The following RAB28 variants were observed in gnomAD, a reference collection of about 807,000 sequenced individuals.
RAB28 encodes ras-related protein Rab-28.
Under a neutral mutation model 31.7 loss-of-function variants are expected in RAB28, and 24 were observed. That is an observed-to-expected ratio of 0.76 (90% confidence interval 0.55 to 1.06). The LOEUF is 1.06. RAB28 is among the 50% of genes least tolerant of loss of function. The probability of loss-of-function intolerance (pLI) is 0.00; values close to 1 mark genes in which losing one functional copy is unlikely to be tolerated. For synonymous variants in RAB28, 100 were observed against 90.4 expected (o/e 1.11, Z -0.60); for missense variants, 254 against 258.5 (o/e 0.98, Z 0.12).
intron 4 of RAB28, among the ~76,000 whole-genome samples, chr4:13,432,834 CAA>C (rs757020903): frequency 1.3e-5 from 2 of 151,964 alleles, no homozygotes; most frequent in African/African-American, 2.4e-5. Context: ...CATAAAAGCT[CAA>C]AGACACTTTA....
At chr4:13,419,061 C>A (rs537981370) in intron 4 of RAB28, among the ~76,000 whole-genome samples, 4 of 151,844 alleles carry the variant, frequency 2.6e-5, no homozygotes, top group African/African-American at 9.7e-5. Context: ...GGAAGATCTG[C>A]CAAGTAAATG....
At chr4:13,371,247 C>A in intron 6 of RAB28, 1 of 985,344 alleles carries the variant, frequency 1.0e-6, no homozygotes, top group Non-Finnish European at 1.2e-6. Context: ...AGGCACTCTG[C>A]CTGATGCTAT....
rs186022710 is a variant in RAB28, at chr4:13,373,078, T to C, written c.573+3467A>G. 1.2e-3 allele frequency among the ~76,000 whole-genome samples: 185 copies of C among 152,260 alleles called. 2 individuals are homozygous for C. Among genetic ancestry groups the C allele is most frequent in the African/African-American group, 4.3e-3 (177 of 41,574 alleles). On this transcript the variant is annotated intron_variant, in intron 6 of 6. Coordinates refer to ENST00000330852, the MANE Select transcript of RAB28 (RefSeq NM_001017979.3). Reference sequence around the variant, plus strand: ...AAAAATGCTGAGGCTTAAAAATGTATTAAGAATTCTTAACACCAAGTAGAT... The same window carrying C: ...AAAAATGCTGAGGCTTAAAAATGTACTAAGAATTCTTAACACCAAGTAGAT...
At chr4:13,442,483 C>CAA (rs1296539982) in intron 4 of RAB28, among the ~76,000 whole-genome samples, 2 of 130,632 alleles carry the variant, frequency 1.5e-5, no homozygotes, top group Admixed American at 7.7e-5. Context: ...AGCAAATGTC[C>CAA]AAAAAAAAAA....
chr4:13,442,799 G>A lies in RAB28; in HGVS notation c.391+17900C>T, dbSNP rs982794364. ...AATTCTTACAATAATTTCCTTATGA[G>A]GTAGGTGCTATTATTAGTCCCACTT... On this transcript the variant is annotated intron_variant, in intron 4 of 6. Transcript: ENST00000330852. Among the ~76,000 whole-genome samples the A allele has an allele frequency of 2.6e-5, 4 of 152,022 alleles. No individual in the cohort carries two copies. The East Asian group carries it at 7.7e-4, about 29-fold the overall frequency.
At chr4:13,481,108 A>T (rs967844000) in intron 1 of RAB28, among the ~76,000 whole-genome samples, 2 of 152,062 alleles carry the variant, frequency 1.3e-5, no homozygotes, top group Admixed American at 1.3e-4. Context: ...AAAGAATCTC[A>T]GAGTTCAATA....
intron 4 of RAB28, among the ~76,000 whole-genome samples, chr4:13,398,984 G>C (rs1477184297): frequency 1.3e-5 from 2 of 152,076 alleles, no homozygotes; most frequent in Non-Finnish European, 2.9e-5. Flanking sequence ...AATAAGAATT[G>C]CACTTACACA....
At chr4:13,426,348 C>G (rs974386109) in intron 4 of RAB28, among the ~76,000 whole-genome samples, 2 of 151,572 alleles carry the variant, frequency 1.3e-5, no homozygotes, top group Non-Finnish European at 2.9e-5. Context: ...ACATCAGAAA[C>G]GAATCTCTGA....
intron 4 of RAB28, among the ~76,000 whole-genome samples, chr4:13,435,231 G>A (rs1335139999): frequency 2.6e-5 from 4 of 151,612 alleles, no homozygotes; most frequent in Non-Finnish European, 2.9e-5. Context: ...CAAAAGTAGT[G>A]CAAAGAGTAT....
intron 4 of RAB28, among the ~76,000 whole-genome samples, chr4:13,393,474 T>C (rs960903667): frequency 1.3e-5 from 2 of 152,170 alleles, no homozygotes; most frequent in Admixed American, 1.3e-4. Flanking sequence ...AAGAAAAATA[T>C]ATATATAAGC....
At chr4:13,428,022 T>C (rs191726214) in intron 4 of RAB28, among the ~76,000 whole-genome samples, 5 of 152,258 alleles carry the variant, frequency 3.3e-5, no homozygotes, top group Admixed American at 2.0e-4. Context: ...TCGTGATGGA[T>C]TGAGCAAGCA....
chr4:13,382,963 G>A (rs1321365920), intron 4 of RAB28, among the ~76,000 whole-genome samples: 3 of 152,028 alleles, frequency 2.0e-5, no homozygotes, highest in African/African-American at 4.8e-5. Flanking sequence ...GCCTCCCAAA[G>A]TGCTAGAATT....
At chr4:13,420,479 C>T (rs1713066265) in intron 4 of RAB28, among the ~76,000 whole-genome samples, 1 of 152,072 alleles carries the variant, frequency 6.6e-6, no homozygotes, top group African/African-American at 2.4e-5. Flanking sequence ...GACCAATATC[C>T]CTGATGAACA....
chr4:13,447,262 C>T (rs1042154634), intron 4 of RAB28, among the ~76,000 whole-genome samples: 6 of 152,176 alleles, frequency 3.9e-5, no homozygotes, highest in African/African-American at 1.4e-4. Context: ...AATCACTGCA[C>T]ACTATTCAAA....
intron 1 of RAB28, among the ~76,000 whole-genome samples, chr4:13,479,735 C>CTAATGAGTTAGAT (rs1383538097): frequency 1.3e-5 from 2 of 151,458 alleles, no homozygotes; most frequent in East Asian, 3.9e-4. Flanking sequence ...GGACAACGAA[C>CTAATGAGTTAGAT]TAATGAGTTA....
chr4:13,435,279 A>C (rs1714037897), intron 4 of RAB28, among the ~76,000 whole-genome samples: 1 of 152,088 alleles, frequency 6.6e-6, no homozygotes, highest in Non-Finnish European at 1.5e-5. Context: ...GAAGACAGAT[A>C]TCTCTCAAAT....
In RAB28 at chr4:13,468,785, T is replaced by TA. The variant is rs1560144741; in HGVS notation, c.261+5532_261+5533insT. ...AACAAAGCCAAAAGCTGTTTTTTTTTTAAAAAAAAAAGATCAATAAAATTG... is the reference window on the plus strand; with the variant it reads ...AACAAAGCCAAAAGCTGTTTTTTTTTATAAAAAAAAAAGATCAATAAAATTG... On this transcript the variant is annotated intron_variant, in intron 3 of 6. Transcript: ENST00000330852. 2.1e-3 allele frequency among the ~76,000 whole-genome samples: 319 copies of TA among 149,558 alleles called. 3 individuals carry two copies. The highest frequency in any genetic ancestry group is 7.2e-3 in the African/African-American group (293 of 40,778).
intron 3 of RAB28, among the ~76,000 whole-genome samples, chr4:13,464,245 C>A (rs1379919504): frequency 1.3e-5 from 2 of 151,970 alleles, no homozygotes; most frequent in Admixed American, 6.6e-5. Context: ...CAGTAAAGAG[C>A]CAAGAAAGAT....
At chr4:13,373,023 T>A (rs1470547167) in intron 6 of RAB28, among the ~76,000 whole-genome samples, 2 of 152,086 alleles carry the variant, frequency 1.3e-5, no homozygotes, top group Admixed American at 6.6e-5. Context: ...TCAAACCAAG[T>A]AGAAATTCAC....
Sources: gnomAD v4.1 joint callset for allele counts (sites outside exome capture counted in the v4.1 genomes callset) on GRCh38, gnomAD v4.1.1 for gene constraint, MANE v1.5 for transcripts, NCBI Gene and HGNC (gene_info 2026-07-23, HGNC 2026-07-21) for gene names.